TDRKH: variants seen among roughly 807,000 people sequenced by gnomAD.
The protein encoded by TDRKH is tudor and KH domain-containing protein.
Under a neutral mutation model 61.3 loss-of-function variants are expected in TDRKH, and 28 were observed. The ratio of observed to expected loss-of-function variants is 0.46; its 90% CI spans 0.34 to 0.63. The LOEUF is 0.63. TDRKH is among the 20% of genes least tolerant of loss of function. TDRKH has a pLI of 0.01. For synonymous variants in TDRKH, 219 were observed against 244.4 expected, an observed-to-expected ratio of 0.90 and a Z score of 0.97; for missense variants, 540 against 683.4, an observed-to-expected ratio of 0.79 and a Z score of 2.34.
downstream of TDRKH, chr1:151,771,285 T>C: frequency 6.3e-7 from 1 of 1,582,608 alleles, no homozygotes; most frequent in Non-Finnish European, 8.6e-7. Flanking sequence ...GCCCGGGATG[T>C]GATTCAGGAC....
chr1:151,772,927 AATCTG>A (rs1275312168), downstream of TDRKH, among the ~76,000 whole-genome samples: 2 of 152,156 alleles, frequency 1.3e-5, no homozygotes, highest in Non-Finnish European at 2.9e-5. Flanking sequence ...GTGGTGGTGC[AATCTG>A]GGTTCACTGC....
At chr1:151,767,520 A>G, downstream of TDRKH, 1 of 978,416 alleles carries the variant, frequency 1.0e-6, no homozygotes, top group East Asian at 3.0e-5. Flanking sequence ...GAAAAGAGGG[A>G]GTGGGGACAA....
chr1:151,778,110 A>ATTTATACC (rs1255511923), intron 6 of TDRKH, among the ~76,000 whole-genome samples: 1 of 152,104 alleles, frequency 6.6e-6, no homozygotes, highest in African/African-American at 2.4e-5. Flanking sequence ...CACCCTGTCT[A>ATTTATACC]TTTATACCTC....
chr1:151,774,927 C>A (rs766602275), intron 11 of TDRKH, 121 bp from the exon 12 acceptor site: 15 of 1,369,818 alleles, frequency 1.1e-5, no homozygotes, highest in Non-Finnish European at 1.5e-5. Flanking sequence ...CCAAGAGGGA[C>A]AAAATGCTCC....
chr1:151,775,656 T>C, intron 9 of TDRKH, 113 bp from the exon 10 acceptor site: 3 of 1,514,272 alleles, frequency 2.0e-6, no homozygotes, highest in Non-Finnish European at 2.7e-6. Flanking sequence ...TCTGGTTGGG[T>C]TGGGTCTGCC....
chr1:151,771,047 G>A (rs1457895853), downstream of TDRKH: 2 of 1,545,866 alleles, frequency 1.3e-6, no homozygotes, highest in African/African-American at 1.4e-5. Context: ...TTTAAAGCAT[G>A]TTCTAATCAT....
chr1:151,771,925 G>A (rs1234926527), downstream of TDRKH: 2 of 398,412 alleles, frequency 5.0e-6, no homozygotes, highest in Non-Finnish European at 8.8e-6. Context: ...GTTCCCTACG[G>A]AACTCTGGTA....
Position 151,779,951 on chromosome 1 carries a change from CTA to C in TDRKH, c.419_420del (p.Ile140ArgfsTer12). 1 of 1,609,912 alleles carries C rather than the reference CTA, an allele frequency of 6.2e-7. No homozygotes were observed. ...SVPQRSVGRI[I>X]GRGGETIRSI... ...AATAGAGGAAGCCATCCAGTGGTAC[CTA>C]TGATTCTGCCCACAGATCTCTGGGG... On this transcript the variant is annotated frameshift_variant and splice_region_variant, in exon 4 of 13. Transcript: ENST00000368824. LOFTEE classifies it high-confidence loss of function.
At chr1:151,777,748 C>G (rs1243594228) in intron 6 of TDRKH, among the ~76,000 whole-genome samples, 2 of 124,376 alleles carry the variant, frequency 1.6e-5, no homozygotes, top group Admixed American at 1.8e-4. Context: ...GAGACAGGAT[C>G]TCACTGTCAC....
chr1:151,783,554 C>G (rs1160622650), intron 1 of TDRKH: 1 of 152,300 alleles, frequency 6.6e-6, no homozygotes. Context: ...GGGTTCTTCC[C>G]TGCTCCATCG....
chr1:151,774,842 G>A (rs1035261634), intron 11 of TDRKH, 36 bp from the exon 12 acceptor site: 1 of 1,608,056 alleles, frequency 6.2e-7, no homozygotes, highest in South Asian at 1.1e-5. Context: ...GGAGGAACAT[G>A]TTGGCTTTTA....
downstream of TDRKH, among the ~76,000 whole-genome samples, chr1:151,769,675 T>C (rs192289719): frequency 3.3e-5 from 5 of 151,064 alleles, no homozygotes; most frequent in East Asian, 2.0e-4. Context: ...GACGGGGTGG[T>C]GGCCGGGCAG....
chr1:151,766,814 A>G (rs1648374731), downstream of TDRKH: 5 of 1,607,680 alleles, frequency 3.1e-6, no homozygotes, highest in Non-Finnish European at 2.5e-6. Flanking sequence ...TCTGGTCACC[A>G]TACGCCTATT....
intron 1 of TDRKH, among the ~76,000 whole-genome samples, chr1:151,788,815 T>C (rs1400898918): frequency 6.6e-6 from 1 of 152,194 alleles, no homozygotes. Flanking sequence ...GAGGGGTCTC[T>C]GCAGCCAAGG....
chr1:151,781,549 T>C lies in TDRKH; in HGVS notation c.163A>G (p.Ile55Val), dbSNP rs1649819832. ...GCCTCCTGGGGAACCCGCATCTCTATCTCAATGTCATCTTCCCCAACAAAT... is the reference window on the plus strand; with the variant it reads ...GCCTCCTGGGGAACCCGCATCTCTACCTCAATGTCATCTTCCCCAACAAAT... The part of the protein sequence containing the change: ...LTFVGEDDIE[I>V]EMRVPQEAVK... The change falls in exon 3 of 13, where the codon ATA (isoleucine) becomes GTA (valine). Residue 55 changes from isoleucine (I) to valine (V), a missense_variant. Physicochemically the swap from Ile to Val is conservative, Grantham distance 29. This residue lies in a region of TDRKH where 156 missense variants were observed against 218.0 expected (regional missense o/e 0.72). Transcript: ENST00000368824. 3.1e-6 allele frequency: 5 copies of C among 1,613,628 alleles called. No individual in the cohort carries two copies. Among genetic ancestry groups the C allele is most frequent in the African/African-American group, 1.3e-5 (1 of 74,944 alleles).
chr1:151,781,328 A>AAAAATATATATATATATATAT (rs1491536697), intron 3 of TDRKH, among the ~76,000 whole-genome samples, 153 bp downstream of exon 3: 4 of 68,600 alleles, frequency 5.8e-5, no homozygotes, highest in Non-Finnish European at 1.0e-4. Flanking sequence ...AAAAAAAAAA[A>AAAAATATATATATATATATAT]ATATATATAT....
chr1:151,781,324 A>ATATATATATATATAT (rs1558145922), intron 3 of TDRKH, among the ~76,000 whole-genome samples, 157 bp downstream of exon 3: 1 of 18,828 alleles, frequency 5.3e-5, no homozygotes, highest in African/African-American at 8.1e-5. Context: ...TCTCAAAAAA[A>ATATATATATATATAT]AAAAATATAT....
At chr1:151,768,335 C>T, downstream of TDRKH, 1 of 1,470,388 alleles carries the variant, frequency 6.8e-7, no homozygotes. Context: ...TAGATATAAG[C>T]AATCCATTCA....
intron 6 of TDRKH, among the ~76,000 whole-genome samples, chr1:151,777,233 C>T (rs1473085959): frequency 7.2e-5 from 11 of 152,110 alleles, no homozygotes; most frequent in Non-Finnish European, 1.3e-4. Flanking sequence ...TCATTTGAGG[C>T]CAGGAGTTCG....
Sources: allele counts gnomAD v4.1 joint callset (sites outside exome capture counted in the v4.1 genomes callset), GRCh38; gene constraint gnomAD v4.1.1; regional missense constraint gnomAD v4.1.1; transcripts MANE v1.5; gene names NCBI Gene and HGNC (gene_info 2026-07-23, HGNC 2026-07-21).